Variants in ZBTB46 observed in about 807,000 individuals in gnomAD.
ZBTB46 encodes the protein zinc finger and BTB domain containing 46, also known as zinc finger and BTB domain-containing protein 46.
Under a neutral mutation model 44.1 loss-of-function variants are expected in ZBTB46, and 8 were observed. The observed-to-expected ratio is 0.18, with a 90% CI of 0.11 to 0.33. The LOEUF (loss-of-function observed/expected upper bound fraction) is 0.33. Among genes scored for constraint, ZBTB46 ranks in the 10% least tolerant of loss-of-function variants. The pLI is 1.00. For synonymous variants in ZBTB46, 409 were observed against 382.3 expected (o/e 1.07, Z -0.81); for missense variants, 651 against 847.7 (o/e 0.77, Z 2.88).
intron 1 of ZBTB46, among the ~76,000 whole-genome samples, chr20:63,795,371 G>A (rs1395878436): frequency 6.6e-6 from 1 of 152,232 alleles, no homozygotes; most frequent in African/African-American, 2.4e-5. Flanking sequence ...ACGGGACGCT[G>A]CGCAGTTACA....
chr20:63,831,984 C>A (rs1445494545), upstream of ZBTB46, among the ~76,000 whole-genome samples: 1 of 152,058 alleles, frequency 6.6e-6, no homozygotes, highest in Non-Finnish European at 1.5e-5. Flanking sequence ...GATCGGCGCA[C>A]CTCGGGCGCA....
At chr20:63,797,865 G>C (rs943023715) in intron 1 of ZBTB46, among the ~76,000 whole-genome samples, 1 of 152,130 alleles carries the variant, frequency 6.6e-6, no homozygotes, top group African/African-American at 2.4e-5. Context: ...ATTTTTTCTT[G>C]TAAAGTTGTT....
Position 63,782,351 on chromosome 20 carries a change from A to C in ZBTB46, c.938-6389T>G, listed in dbSNP as rs576837625. Among the ~76,000 whole-genome samples the C allele has an allele frequency of 2.0e-5, 3 of 152,256 alleles. No homozygotes were observed. In the South Asian group the frequency reaches 6.2e-4, roughly 32 times the overall value. Reference sequence around the variant, plus strand: ...GAGAAGGAGGCAGGAGGGTGACAGAAGCGAGGATGGGAAGGGGCAGGAATG... The same window carrying C: ...GAGAAGGAGGCAGGAGGGTGACAGACGCGAGGATGGGAAGGGGCAGGAATG... On this transcript the variant is annotated intron_variant, in intron 2 of 4. Coordinates refer to ENST00000245663, the MANE Select transcript of ZBTB46 (RefSeq NM_001369741.1).
At chr20:63,777,207 C>T (rs2092433391) in intron 2 of ZBTB46, among the ~76,000 whole-genome samples, 1 of 152,152 alleles carries the variant, frequency 6.6e-6, no homozygotes, top group Non-Finnish European at 1.5e-5. Flanking sequence ...CCGTGGCTCA[C>T]GCTTCCAGTC....
chr20:63,775,689 T>G lies in ZBTB46; in HGVS notation c.1211A>C (p.His404Pro), dbSNP rs1262699006. The G allele has an allele frequency of 6.3e-7, 1 of 1,575,182 alleles. No individual in the cohort carries two copies. Among genetic ancestry groups the G allele is most frequent in the Non-Finnish European group, 8.6e-7 (1 of 1,158,770 alleles). ...LLFEYLPRGAHSLSLNEFTVI... is the reference protein window; with the variant it reads ...LLFEYLPRGAPSLSLNEFTVI... ...GGGCCTGCACTTACGGGACAGCGAG[T>G]GGGCCCCTCTGGGCAGGTACTCGAA... The change falls in exon 3 of 5, where the codon CAC becomes CCC. Residue 404 changes from histidine (H) to proline (P), a missense_variant. His to Pro is a moderately conservative substitution (Grantham distance 77, BLOSUM62 -2). Around this residue, in one of 5 missense-constraint regions of ZBTB46, gnomAD observed 385 missense variants for 423.3 expected, o/e 0.91. Coordinates refer to ENST00000245663, the MANE Select transcript of ZBTB46 (RefSeq NM_001369741.1).
At chr20:63,820,043 C>T (rs945759140) in intron 1 of ZBTB46, among the ~76,000 whole-genome samples, 5 of 152,296 alleles carry the variant, frequency 3.3e-5, no homozygotes, top group African/African-American at 9.6e-5. Context: ...ATGACGTTAG[C>T]AACGTATAAC....
intron 3 of ZBTB46, among the ~76,000 whole-genome samples, chr20:63,774,687 GGGTTTTTTTT>G (rs1220051215): frequency 1.6e-5 from 2 of 121,242 alleles, no homozygotes; most frequent in African/African-American, 6.5e-5. Context: ...TGGCTGCGGT[GGGTTTTTTTT>G]GTTTTTTTTT....
intron 4 of ZBTB46, among the ~76,000 whole-genome samples, chr20:63,751,698 A>G (rs1316200): frequency 0.13 from 6,270 of 46,864 alleles, 1,249 homozygotes; most frequent in African/African-American, 0.26. Context: ...GTCTCCCCAT[A>G]AAGCCCCGCC....
intron 1 of ZBTB46, among the ~76,000 whole-genome samples, chr20:63,811,183 C>T (rs895768165): frequency 7.2e-5 from 11 of 152,266 alleles, no homozygotes; most frequent in African/African-American, 2.6e-4. Context: ...GCATGAGCCC[C>T]ACCCCGCCCA....
rs2092333938 is a variant in ZBTB46 at position 63,767,885 on chromosome 20, G to A, written c.1222+7793C>T. 5 of 984,078 alleles carry A rather than the reference G, an allele frequency of 5.1e-6. No homozygotes were observed. The highest frequency in any genetic ancestry group is 6.0e-6 in the Non-Finnish European group (5 of 828,798). 61.0% of individuals were successfully genotyped at this position (984,078 alleles called of 1,614,324 possible). A position where few individuals can be genotyped will look rare whatever the true frequency, so the allele number is the denominator to read the frequency against. On this transcript the variant is annotated intron_variant, in intron 3 of 4. Coordinates refer to ENST00000245663, the MANE Select transcript of ZBTB46 (RefSeq NM_001369741.1). The surrounding 1 kb of genome is among the most constrained non-coding windows in gnomAD (Gnocchi z 5.0). ...GAAGACTCCTCAGGCATCCTGGACA[G>A]GCCACAGGCCCTGCAGAAACCCACC...
At chr20:63,827,066 C>CCACAGCAGTCCA (rs888392424) in intron 1 of ZBTB46, among the ~76,000 whole-genome samples, 1 of 152,044 alleles carries the variant, frequency 6.6e-6, no homozygotes, top group African/African-American at 2.4e-5. Flanking sequence ...ACAGCAGTCC[C>CCACAGCAGTCCA]CACAGCAGTC....
At chr20:63,749,374 T>G (rs1049799784) in intron 4 of ZBTB46, among the ~76,000 whole-genome samples, 3 of 152,172 alleles carry the variant, frequency 2.0e-5, no homozygotes, top group African/African-American at 7.2e-5. Flanking sequence ...TCTCGCTCTG[T>G]CACCCAGGCT....
At chr20:63,810,020 T>C (rs1312991381) in intron 1 of ZBTB46, among the ~76,000 whole-genome samples, 3 of 151,128 alleles carry the variant, frequency 2.0e-5, no homozygotes, top group Admixed American at 2.0e-4. Context: ...ATTAACGTAA[T>C]GTCAATTACA....
intron 4 of ZBTB46, among the ~76,000 whole-genome samples, chr20:63,750,725 C>T (rs933904251): frequency 7.2e-5 from 11 of 152,044 alleles, no homozygotes; most frequent in African/African-American, 2.7e-4. Context: ...GGCAACACAG[C>T]GAAATCCCAT....
intron 3 of ZBTB46, among the ~76,000 whole-genome samples, chr20:63,771,771 G>C (rs1002700861): frequency 2.0e-5 from 3 of 152,200 alleles, no homozygotes; most frequent in Non-Finnish European, 2.9e-5. Context: ...ACAGAACTTT[G>C]GAAAATCCAA....
chr20:63,752,285 A>G lies in ZBTB46; in HGVS notation c.1398+401T>C, dbSNP rs2092175263. ...ACCTGACAACGACCTGCCAGTGCTGAGCTCCAGGGTGGGCGCGGTGGGTGC... is the reference window on the plus strand; with the variant it reads ...ACCTGACAACGACCTGCCAGTGCTGGGCTCCAGGGTGGGCGCGGTGGGTGC... On this transcript the variant is annotated intron_variant, in intron 4 of 4. Transcript: ENST00000245663. This position sits in a 1 kb window ranked among gnomAD's most constrained non-coding sequence, Gnocchi z 5.6. Among the ~76,000 whole-genome samples, 1 of 150,940 alleles carries G rather than the reference A, an allele frequency of 6.6e-6. No individual in the cohort carries two copies. The highest frequency in any genetic ancestry group is 1.5e-5 in the Non-Finnish European group (1 of 67,616).
At chr20:63,766,009 G>A (rs1400346723) in intron 3 of ZBTB46, among the ~76,000 whole-genome samples, 2 of 152,090 alleles carry the variant, frequency 1.3e-5, no homozygotes, top group Admixed American at 1.3e-4. Context: ...GGGCCCACCT[G>A]CTGCCCACCC....
At chr20:63,825,802 G>A (rs2092816523) in intron 1 of ZBTB46, among the ~76,000 whole-genome samples, 1 of 152,294 alleles carries the variant, frequency 6.6e-6, no homozygotes, top group Admixed American at 6.5e-5. Context: ...TCAACACTGC[G>A]ACAGGTAATG....
At chr20:63,820,744 T>G (rs1348832674) in intron 1 of ZBTB46, among the ~76,000 whole-genome samples, 2 of 151,996 alleles carry the variant, frequency 1.3e-5, no homozygotes, top group Non-Finnish European at 2.9e-5. Context: ...TTTATTATTT[T>G]TTTAGATGGA....
Sources: gnomAD v4.1 joint callset for allele counts (sites outside exome capture counted in the v4.1 genomes callset) on GRCh38, gnomAD v4.1.1 for gene constraint, gnomAD v4.1.1 regional missense constraint, Gnocchi (gnomAD v3.1) non-coding constraint, MANE v1.5 for transcripts, NCBI Gene and HGNC (gene_info 2026-07-23, HGNC 2026-07-21) for gene names.